The following NBEA variants were observed in gnomAD, a reference collection of about 807,000 sequenced individuals.
The protein encoded by NBEA is neurobeachin, also known as lysosomal-trafficking regulator 2.
Under a neutral mutation model 343.4 loss-of-function variants are expected in NBEA, and 44 were observed. That is an observed-to-expected ratio of 0.13 (90% CI 0.10 to 0.16). NBEA has a LOEUF of 0.16. NBEA is among the 10% of genes least tolerant of loss of function. NBEA has a pLI of 1.00. For missense variants in NBEA, 2,555 were observed against 3,631.3 expected (o/e 0.70, Z 7.62); for synonymous variants, 1,175 against 1,238.7 (o/e 0.95, Z 1.08).
At position 35,157,054 on chromosome 13, in the gene NBEA, G is replaced by A. The variant is rs528435136; in HGVS notation, c.2652-24G>A. The A allele has an allele frequency of 2.7e-6, 4 of 1,491,450 alleles. No homozygotes were observed. In the East Asian group the frequency reaches 7.1e-5, roughly 26 times the overall value. 92.4% of individuals were successfully genotyped at this position (1,491,450 alleles called of 1,614,324 possible). ...CTAACTTAATTTGGATATTTTTAAT[G>A]AGATCAAATTTTTTTCTCCCTAGAT... On this transcript the variant is annotated intron_variant, in intron 20 of 58. Transcript: ENST00000379939.
chr13:35,092,013 G>A (rs1450822725), intron 10 of NBEA, among the ~76,000 whole-genome samples: 1 of 151,962 alleles, frequency 6.6e-6, no homozygotes, highest in Non-Finnish European at 1.5e-5. Flanking sequence ...ATACTTAACT[G>A]ACTTTAAGAC....
chr13:35,607,782 A>C (rs1288457365), intron 48 of NBEA, among the ~76,000 whole-genome samples: 1 of 152,126 alleles, frequency 6.6e-6, no homozygotes, highest in African/African-American at 2.4e-5. Flanking sequence ...ATATTAGTCC[A>C]TTCACAAAGT....
chr13:35,196,238 C>T lies in NBEA; in HGVS notation c.5302C>T (p.Pro1768Ser), dbSNP rs1043078503. 3.7e-6 allele frequency: 6 copies of T among 1,613,534 alleles called. No homozygotes were observed. The highest frequency in any genetic ancestry group is 5.1e-6 in the Non-Finnish European group (6 of 1,179,676). ...AECGPEPIPY[P>S]DPALKRETQA... ...ATGTGGCCCTGAACCTATCCCATAC[C>T]CAGATCCAGCATTGAAGAGAGAAAC... The change falls in exon 31 of 59, where the codon CCA (proline) becomes TCA (serine). Residue 1768 changes from proline (P) to serine (S), a missense_variant. By Grantham distance (74) the Pro-to-Ser change is moderately conservative. Around this residue, in one of 21 missense-constraint regions of NBEA, gnomAD observed 270 missense variants for 293.3 expected, o/e 0.92. Coordinates refer to ENST00000379939, the MANE Select transcript of NBEA (RefSeq NM_001385012.1).
chr13:35,177,192 C>T (rs773116800), intron 28 of NBEA, 89 bp downstream of exon 28: 20 of 962,328 alleles, frequency 2.1e-5, no homozygotes, highest in Middle Eastern at 2.1e-4. Flanking sequence ...CTTATGAAAA[C>T]GACATTCCCT....
intron 41 of NBEA, among the ~76,000 whole-genome samples, chr13:35,473,980 T>C (rs561125032): frequency 2.0e-5 from 3 of 152,290 alleles, no homozygotes; most frequent in African/African-American, 7.2e-5. Flanking sequence ...TAGATTTAAA[T>C]TGTTTCTGTT....
intron 26 of NBEA, among the ~76,000 whole-genome samples, chr13:35,172,792 C>T (rs1394329417): frequency 6.6e-6 from 1 of 152,096 alleles, no homozygotes; most frequent in Middle Eastern, 3.2e-3. Flanking sequence ...AGCAGCTAGC[C>T]TAAAACCACA....
chr13:35,017,602 T>C (rs528639010), intron 1 of NBEA, among the ~76,000 whole-genome samples: 1 of 152,352 alleles, frequency 6.6e-6, no homozygotes, highest in East Asian at 1.9e-4. Context: ...AGAACATTTT[T>C]ATATCTTTTT....
intron 52 of NBEA, 22 bp downstream of exon 52, chr13:35,649,869 A>G (rs2084429628): frequency 1.2e-6 from 2 of 1,604,298 alleles, no homozygotes; most frequent in Non-Finnish European, 1.7e-6. Flanking sequence ...TGAGCAAATC[A>G]CTTACTAAAG....
At chr13:35,372,512 T>C (rs2041495045) in intron 38 of NBEA, among the ~76,000 whole-genome samples, 2 of 152,154 alleles carry the variant, frequency 1.3e-5, no homozygotes, top group Non-Finnish European at 2.9e-5. Flanking sequence ...ATATGCTGGC[T>C]GAGGTAGACA....
intron 34 of NBEA, among the ~76,000 whole-genome samples, chr13:35,252,246 GA>G: frequency 6.6e-6 from 1 of 152,236 alleles, no homozygotes; most frequent in East Asian, 1.9e-4. Context: ...AAAGGGGGAA[GA>G]ACCCCTTATG....
intron 36 of NBEA, among the ~76,000 whole-genome samples, chr13:35,319,753 T>G (rs528651081): frequency 6.6e-6 from 1 of 152,300 alleles, no homozygotes. Context: ...TCTAAGAACT[T>G]GCTTTATGAA....
At chr13:35,309,481 C>A in intron 35 of NBEA, 47 bp from the exon 36 acceptor site, 1 of 1,069,688 alleles carries the variant, frequency 9.3e-7, no homozygotes, top group African/African-American at 1.6e-5. Context: ...AAGTTACTTT[C>A]ATTAAGTGTT....
chr13:35,483,187 A>G (rs542914864), intron 41 of NBEA, among the ~76,000 whole-genome samples: 1 of 151,962 alleles, frequency 6.6e-6, no homozygotes, highest in African/African-American at 2.4e-5. Flanking sequence ...TTTTCAAAGA[A>G]ACTCCTAATA....
intron 18 of NBEA, among the ~76,000 whole-genome samples, chr13:35,149,720 A>G (rs972780524): frequency 6.6e-6 from 1 of 152,194 alleles, no homozygotes; most frequent in Non-Finnish European, 1.5e-5. Context: ...ATTTTTGAGC[A>G]TCTGCTTATT....
At chr13:35,522,185 G>A (rs541397970) in intron 41 of NBEA, among the ~76,000 whole-genome samples, 39 of 152,088 alleles carry the variant, frequency 2.6e-4, no homozygotes, top group African/African-American at 8.2e-4. Flanking sequence ...GGCTGGGCAC[G>A]GTGGCTCATG....
intron 36 of NBEA, among the ~76,000 whole-genome samples, chr13:35,341,306 A>G (rs180758953): frequency 4.0e-4 from 61 of 152,168 alleles, no homozygotes; most frequent in African/African-American, 1.4e-3. Context: ...TTAGAAGGAA[A>G]CATAGTTAAA....
At chr13:35,636,323 G>GT (rs1322581706) in intron 49 of NBEA, among the ~76,000 whole-genome samples, 5 of 152,142 alleles carry the variant, frequency 3.3e-5, no homozygotes, top group African/African-American at 1.2e-4. Context: ...TGAAGTCTCA[G>GT]TACAGTATAT....
At chr13:35,081,587 A>G (rs1365648798) in intron 10 of NBEA, among the ~76,000 whole-genome samples, 9 of 152,008 alleles carry the variant, frequency 5.9e-5, no homozygotes, top group Non-Finnish European at 8.8e-5. Flanking sequence ...AGGAATGACA[A>G]TATGTGTGAG....
chr13:35,664,569 T>C (rs2085257503), intron 55 of NBEA, among the ~76,000 whole-genome samples: 1 of 152,258 alleles, frequency 6.6e-6, no homozygotes, highest in Admixed American at 6.5e-5. Flanking sequence ...AAAATGCTTC[T>C]GGGATATAAT....
Sources: gnomAD v4.1 joint callset for allele counts (sites outside exome capture counted in the v4.1 genomes callset) on GRCh38, gnomAD v4.1.1 for gene constraint, gnomAD v4.1.1 regional missense constraint, MANE v1.5 for transcripts, NCBI Gene and HGNC (gene_info 2026-07-23, HGNC 2026-07-21) for gene names.